RSU1: variants seen among roughly 807,000 people sequenced by gnomAD.
RSU1 encodes the protein Ras suppressor protein 1.
A neutral mutation model predicts 31.1 loss-of-function variants in RSU1; 26 were observed. The ratio of observed to expected loss-of-function variants is 0.84; its 90% CI spans 0.61 to 1.16. The LOEUF is 1.16. RSU1 is among the 50% of genes most tolerant of loss of function. The pLI is 0.00. For missense variants in RSU1, 320 were observed against 339.1 expected (o/e 0.94, Z 0.44); for synonymous variants, 164 against 136.3 (o/e 1.20, Z -1.41).
intron 2 of RSU1, among the ~76,000 whole-genome samples, chr10:16,791,675 C>T (rs551386678): frequency 7.9e-5 from 12 of 151,746 alleles, no homozygotes; most frequent in African/African-American, 2.2e-4. Flanking sequence ...ACTAAAACTC[C>T]TAGAGAAAGA....
At chr10:16,794,724 C>A (rs1488307601) in intron 2 of RSU1, among the ~76,000 whole-genome samples, 1 of 152,196 alleles carries the variant, frequency 6.6e-6, no homozygotes, top group African/African-American at 2.4e-5. Flanking sequence ...TTCTTCTTTG[C>A]AAACTGGAAA....
At chr10:16,670,352 T>C (rs778109838) in intron 8 of RSU1, among the ~76,000 whole-genome samples, 1 of 152,134 alleles carries the variant, frequency 6.6e-6, no homozygotes, top group Non-Finnish European at 1.5e-5. Context: ...ATATGGCCAC[T>C]CAATCTGATA....
At position 16,645,897 on chromosome 10, in the gene RSU1, TATAC is replaced by T. The variant is rs1238767117; in HGVS notation, c.731+49122_731+49125del. Reference sequence around the variant, plus strand: ...ATATATGTGTATATACATATATGTATATACACATATATGTATATATATGTGTATA... The same window carrying T: ...ATATATGTGTATATACATATATGTATACATATATGTATATATATGTGTATA... On this transcript the variant is annotated intron_variant, in intron 8 of 8. Coordinates refer to ENST00000345264, the MANE Select transcript of RSU1 (RefSeq NM_012425.4). 5.0e-3 allele frequency among the ~76,000 whole-genome samples: 520 copies of T among 104,824 alleles called. 147 individuals are homozygous for T. The highest frequency in any genetic ancestry group is 0.028 in the African/African-American group (482 of 16,980). 68.8% of individuals were successfully genotyped at this position (104,824 alleles called of 152,430 possible).
At chr10:16,678,073 A>T (rs1221358486) in intron 8 of RSU1, among the ~76,000 whole-genome samples, 1 of 152,200 alleles carries the variant, frequency 6.6e-6, no homozygotes, top group Non-Finnish European at 1.5e-5. Flanking sequence ...TTCTTTCAAG[A>T]TCCATTCTTC....
chr10:16,706,001 G>A (rs1276055951), intron 7 of RSU1, among the ~76,000 whole-genome samples: 1 of 152,052 alleles, frequency 6.6e-6, no homozygotes, highest in African/African-American at 2.4e-5. Flanking sequence ...GGATACGAAG[G>A]GCCAAATGTA....
intron 7 of RSU1, among the ~76,000 whole-genome samples, chr10:16,746,831 G>C (rs1446170614): frequency 2.0e-5 from 3 of 152,220 alleles, no homozygotes; most frequent in African/African-American, 7.2e-5. Context: ...AGGGGTGAAA[G>C]TTCAGTTAGC....
chr10:16,809,030 T>A (rs1838343801), intron 2 of RSU1, among the ~76,000 whole-genome samples: 1 of 152,110 alleles, frequency 6.6e-6, no homozygotes, highest in Admixed American at 6.5e-5. Flanking sequence ...GGAAATAAAT[T>A]TCTGTTGTCA....
At chr10:16,642,689 C>A (rs758639721) in intron 8 of RSU1, among the ~76,000 whole-genome samples, 3 of 152,162 alleles carry the variant, frequency 2.0e-5, no homozygotes, top group Non-Finnish European at 1.5e-5. Flanking sequence ...ACCCTGAAAT[C>A]ATATATTATG....
At chr10:16,666,711 G>C (rs991173590) in intron 8 of RSU1, among the ~76,000 whole-genome samples, 2 of 152,116 alleles carry the variant, frequency 1.3e-5, no homozygotes, top group Non-Finnish European at 2.9e-5. Context: ...CCATCAGCCG[G>C]GTGCGGTGGC....
At chr10:16,606,226 A>G (rs1833801979) in intron 8 of RSU1, among the ~76,000 whole-genome samples, 1 of 152,208 alleles carries the variant, frequency 6.6e-6, no homozygotes, top group African/African-American at 2.4e-5. Context: ...TAGAATGTTA[A>G]TGATTTTTAA....
rs183546424 is a variant in RSU1, at chr10:16,660,405, A to G, written c.731+34618T>C. Among the ~76,000 whole-genome samples the G allele has an allele frequency of 2.4e-3, 369 of 152,316 alleles. 1 individual carries two copies. The highest frequency in any genetic ancestry group is 8.4e-3 in the African/African-American group (351 of 41,582). ...AATGTTGTGTCTTCAAACAGCATCC[A>G]TGAAACTGTGGGAAGCTAATTTATG... On this transcript the variant is annotated intron_variant, in intron 8 of 8. Transcript: ENST00000345264.
intron 2 of RSU1, among the ~76,000 whole-genome samples, chr10:16,806,370 C>T (rs1251233240): frequency 6.6e-6 from 1 of 152,194 alleles, no homozygotes; most frequent in Non-Finnish European, 1.5e-5. Flanking sequence ...TAAGGCAAAA[C>T]AGGAGAAGCT....
At chr10:16,760,296 G>C (rs1381579441) in intron 4 of RSU1, among the ~76,000 whole-genome samples, 1 of 152,100 alleles carries the variant, frequency 6.6e-6, no homozygotes, top group African/African-American at 2.4e-5. Context: ...GATCACCTGA[G>C]GTCAGGAGTT....
chr10:16,659,617 C>A (rs1137805), intron 8 of RSU1, among the ~76,000 whole-genome samples: 1 of 151,910 alleles, frequency 6.6e-6, no homozygotes, highest in Non-Finnish European at 1.5e-5. Context: ...ACTACACTGG[C>A]ACCCTAATAC....
intron 7 of RSU1, among the ~76,000 whole-genome samples, chr10:16,738,090 T>C (rs372082789): frequency 4.1e-4 from 62 of 152,328 alleles, no homozygotes; most frequent in African/African-American, 1.4e-3. Flanking sequence ...ATAATGAAAT[T>C]ACAGAATGTG....
chr10:16,676,379 T>C (rs1397702369), intron 8 of RSU1, among the ~76,000 whole-genome samples: 2 of 152,286 alleles, frequency 1.3e-5, no homozygotes, highest in East Asian at 1.9e-4. Flanking sequence ...GGAACTGCCC[T>C]TTATAAAACC....
rs552636686 is a variant in RSU1, at chr10:16,663,347, A to C, written c.731+31676T>G. Among the ~76,000 whole-genome samples, 259 of 152,240 alleles carry C rather than the reference A, an allele frequency of 1.7e-3. 5 individuals carry two copies. In the South Asian group the frequency reaches 0.052, roughly 31 times the overall value. Reference sequence around the variant, plus strand: ...GTGAAGAGAGGAGTCTTTATCCTGGAAAGATGAAGGGATTGCAAATAAAGA... The same window carrying C: ...GTGAAGAGAGGAGTCTTTATCCTGGCAAGATGAAGGGATTGCAAATAAAGA... On this transcript the variant is annotated intron_variant, in intron 8 of 8. Transcript: ENST00000345264.
chr10:16,638,681 C>T (rs1834389340), intron 8 of RSU1, among the ~76,000 whole-genome samples: 1 of 152,182 alleles, frequency 6.6e-6, no homozygotes, highest in South Asian at 2.1e-4. Flanking sequence ...AACCATGACA[C>T]ACGTGTCATT....
intron 2 of RSU1, among the ~76,000 whole-genome samples, chr10:16,803,911 C>G (rs1216881573): frequency 6.6e-6 from 1 of 152,050 alleles, no homozygotes. Flanking sequence ...TCTAGTTGAC[C>G]TGAGATTTGG....
Sources: allele counts gnomAD v4.1 joint callset (sites outside exome capture counted in the v4.1 genomes callset), GRCh38; gene constraint gnomAD v4.1.1; transcripts MANE v1.5; gene names NCBI Gene and HGNC (gene_info 2026-07-23, HGNC 2026-07-21).